Variants in OCA2 observed in about 807,000 individuals in gnomAD.
The protein encoded by OCA2 is P protein.
Under a neutral mutation model 100.2 loss-of-function variants are expected in OCA2, and 77 were observed. That is an observed-to-expected ratio of 0.77 (90% CI 0.64 to 0.93). OCA2 has a LOEUF of 0.93. Ranked by LOEUF, OCA2 falls within the 40% of genes least tolerant of loss-of-function variation. The pLI, the probability that OCA2 is intolerant of heterozygous loss-of-function variation, is 0.00. For missense variants in OCA2, 1,062 were observed against 1,089.1 expected (o/e 0.98, Z 0.35); for synonymous variants, 432 against 439.2 (o/e 0.98, Z 0.21).
intron 2 of OCA2, among the ~76,000 whole-genome samples, chr15:28,074,446 G>A (rs190518341): frequency 0.062 from 9,358 of 152,048 alleles, 342 homozygotes; most frequent in Middle Eastern, 0.1. Flanking sequence ...AGGCCGAGGC[G>A]GGCGGATCAC....
At chr15:27,808,741 G>A (rs1222724405) in intron 23 of OCA2, among the ~76,000 whole-genome samples, 1 of 152,164 alleles carries the variant, frequency 6.6e-6, no homozygotes, top group Non-Finnish European at 1.5e-5. Context: ...AATGCAGGCT[G>A]GGCATCAAGG....
chr15:27,799,767 C>T (rs2033515702), intron 23 of OCA2, among the ~76,000 whole-genome samples: 1 of 151,300 alleles, frequency 6.6e-6, no homozygotes, highest in Non-Finnish European at 1.5e-5. Flanking sequence ...AAAACTTTAG[C>T]AAAAATTGAA....
At chr15:28,042,222 A>G (rs527269365) in intron 2 of OCA2, among the ~76,000 whole-genome samples, 1 of 152,306 alleles carries the variant, frequency 6.6e-6, no homozygotes, top group South Asian at 2.1e-4. Context: ...TAGGAATTCA[A>G]GAAATGATGG....
At chr15:27,781,954 G>A (rs884197) in intron 23 of OCA2, among the ~76,000 whole-genome samples, 85,516 of 152,110 alleles carry the variant, frequency 0.56, 26,010 homozygotes, top group African/African-American at 0.79. Context: ...AGCATCTACA[G>A]TGTTCCAGGC....
chr15:28,001,217 A>G (rs2041914057), intron 9 of OCA2, among the ~76,000 whole-genome samples: 1 of 152,152 alleles, frequency 6.6e-6, no homozygotes, highest in South Asian at 2.1e-4. Flanking sequence ...AGTGTCCACA[A>G]TGGATGAATG....
At chr15:27,989,483 C>T in intron 11 of OCA2, 118 bp downstream of exon 11, 1 of 804,590 alleles carries the variant, frequency 1.2e-6, no homozygotes, top group East Asian at 2.6e-5. Context: ...TAACACTTCT[C>T]AGTCAAGCCC....
At chr15:28,023,805 C>T (rs1341085108) in intron 5 of OCA2, among the ~76,000 whole-genome samples, 1 of 152,164 alleles carries the variant, frequency 6.6e-6, no homozygotes, top group Non-Finnish European at 1.5e-5. Context: ...CACACAGGTG[C>T]ACACACAGAG....
intron 23 of OCA2, among the ~76,000 whole-genome samples, chr15:27,823,074 G>T (rs976015210): frequency 1.9e-4 from 29 of 152,206 alleles, no homozygotes; most frequent in African/African-American, 7.0e-4. Flanking sequence ...TTTCACATGG[G>T]TGCCAATTGG....
intron 15 of OCA2, among the ~76,000 whole-genome samples, chr15:27,958,825 A>G (rs1411017993): frequency 6.6e-6 from 1 of 152,190 alleles, no homozygotes; most frequent in Non-Finnish European, 1.5e-5. Flanking sequence ...AGCAAGAATT[A>G]AAGATAGGAT....
intron 23 of OCA2, among the ~76,000 whole-genome samples, chr15:27,769,813 C>T (rs1370279940): frequency 6.6e-6 from 1 of 152,244 alleles, no homozygotes; most frequent in African/African-American, 2.4e-5. Flanking sequence ...GGCACGGAGG[C>T]TGTCCCTTTT....
intron 22 of OCA2, among the ~76,000 whole-genome samples, chr15:27,847,866 G>A (rs1357484230): frequency 6.6e-6 from 1 of 152,178 alleles, no homozygotes; most frequent in East Asian, 1.9e-4. Flanking sequence ...CTGGGGACAG[G>A]CAGTCCCAGG....
intron 23 of OCA2, among the ~76,000 whole-genome samples, chr15:27,843,556 A>G (rs972369940): frequency 3.3e-5 from 5 of 152,224 alleles, no homozygotes; most frequent in African/African-American, 4.8e-5. Context: ...GAACTGGGTC[A>G]GGCATTAAGT....
intron 15 of OCA2, among the ~76,000 whole-genome samples, chr15:27,961,463 G>T (rs987718620): frequency 2.0e-5 from 3 of 152,136 alleles, no homozygotes; most frequent in Admixed American, 6.5e-5. Flanking sequence ...ATAACCAAAG[G>T]ATTATAAATC....
chr15:28,082,350 A>G (rs1444757210), intron 1 of OCA2, among the ~76,000 whole-genome samples: 2 of 152,224 alleles, frequency 1.3e-5, no homozygotes, highest in African/African-American at 4.8e-5. Flanking sequence ...TGGTTTTCAC[A>G]GTAAATCTTG....
At chr15:28,046,175 C>T (rs1016773848) in intron 2 of OCA2, among the ~76,000 whole-genome samples, 4 of 152,190 alleles carry the variant, frequency 2.6e-5, no homozygotes, top group East Asian at 1.9e-4. Context: ...GGACTTTACC[C>T]GCAGTGCCAT....
chr15:27,726,967 C>T, the OCA2 span, among the ~76,000 whole-genome samples: 2 of 152,214 alleles, frequency 1.3e-5, no homozygotes, highest in Non-Finnish European at 2.9e-5. Context: ...GCAGCATCAG[C>T]TCGGCAGTCT....
At chr15:27,722,668 TTTC>T in the OCA2 span, among the ~76,000 whole-genome samples, 1 of 150,956 alleles carries the variant, frequency 6.6e-6, no homozygotes, top group African/African-American at 2.5e-5. Context: ...CTTTCTTTCC[TTTC>T]TTTTCTTTCT....
intron 19 of OCA2, among the ~76,000 whole-genome samples, chr15:27,906,325 A>G (rs2038175448): frequency 6.6e-6 from 1 of 152,226 alleles, no homozygotes; most frequent in Non-Finnish European, 1.5e-5. Context: ...ACTCAGAGAA[A>G]TCACTTTACA....
chr15:27,930,265 AC>A (rs2039199694), intron 18 of OCA2, among the ~76,000 whole-genome samples: 1 of 152,198 alleles, frequency 6.6e-6, no homozygotes, highest in South Asian at 2.1e-4. Flanking sequence ...GAATGTGTGT[AC>A]AAAAAGATGG....
Sources: allele counts gnomAD v4.1 joint callset (sites outside exome capture counted in the v4.1 genomes callset), GRCh38; gene constraint gnomAD v4.1.1; transcripts MANE v1.5; gene names NCBI Gene and HGNC (gene_info 2026-07-23, HGNC 2026-07-21).